Variants in ADGRL3 observed in about 807,000 individuals in gnomAD.
ADGRL3 encodes adhesion G protein-coupled receptor L3, also known as calcium-independent alpha-latrotoxin receptor 3.
ADGRL3 carries 62 observed loss-of-function variants against 153.5 expected under a neutral mutation model. The ratio of observed to expected loss-of-function variants is 0.40; its 90% CI spans 0.33 to 0.50. ADGRL3 has a LOEUF of 0.50. Among genes scored for constraint, ADGRL3 ranks in the 20% least tolerant of loss-of-function variants. The probability of loss-of-function intolerance (pLI) is 0.47; values close to 1 mark genes in which losing one functional copy is unlikely to be tolerated. For synonymous variants in ADGRL3, 710 were observed against 672.5 expected, an observed-to-expected ratio of 1.06 and a Z score of -0.86; for missense variants, 1,641 against 1,859.4, an observed-to-expected ratio of 0.88 and a Z score of 2.16.
At chr4:62,046,574 T>C (rs1731237720) in intron 25 of ADGRL3, among the ~76,000 whole-genome samples, 1 of 151,976 alleles carries the variant, frequency 6.6e-6, no homozygotes. Context: ...TTAAAAGATA[T>C]TTCATACAGC....
chr4:61,892,757 T>C lies in ADGRL3; in HGVS notation c.1582T>C (p.Ser528Pro). Residue 528 changes from serine (S) to proline (P), a missense_variant, in exon 10 of 27, where the codon TCA becomes CCA. Transcript: ENST00000683033. Reference protein sequence around the residue: ...SPGRSTTPSVSGRRNRSTSTP... With the variant: ...SPGRSTTPSVPGRRNRSTSTP... ...AGGAAGGAGTACCACCCCGTCAGTG[T>C]CAGGAAGAAGAAACCGGAGTACTAG... The C allele has an allele frequency of 2.5e-6, 4 of 1,613,866 alleles. No homozygotes were observed. The highest frequency in any genetic ancestry group is 3.4e-6 in the Non-Finnish European group (4 of 1,179,834).
chr4:61,403,056 T>G (rs62305276), intron 2 of ADGRL3, among the ~76,000 whole-genome samples: 93,419 of 151,522 alleles, frequency 0.62, 29,636 homozygotes, highest in Admixed American at 0.75. Context: ...CCTTTCCTCT[T>G]TGTGTGCACA....
intron 3 of ADGRL3, among the ~76,000 whole-genome samples, chr4:61,504,570 A>G (rs917434363): frequency 6.6e-6 from 1 of 152,156 alleles, no homozygotes; most frequent in African/African-American, 2.4e-5. Flanking sequence ...TATAGTCACC[A>G]TATCTTGCTA....
chr4:61,279,128 G>T (rs2093613667), intron 1 of ADGRL3, among the ~76,000 whole-genome samples: 1 of 152,148 alleles, frequency 6.6e-6, no homozygotes, highest in East Asian at 1.9e-4. Context: ...ATTGCATTAT[G>T]TGATAATGGA....
intron 6 of ADGRL3, among the ~76,000 whole-genome samples, chr4:61,688,957 A>T (rs1440103003): frequency 6.6e-6 from 1 of 151,954 alleles, no homozygotes; most frequent in Non-Finnish European, 1.5e-5. Context: ...TTGTTTAGTT[A>T]TTTATTTACT....
At chr4:61,752,315 G>T (rs1249042519) in intron 8 of ADGRL3, among the ~76,000 whole-genome samples, 1 of 152,146 alleles carries the variant, frequency 6.6e-6, no homozygotes, top group East Asian at 1.9e-4. Context: ...CAATAGGCTT[G>T]GAAAGCCTAT....
At chr4:61,532,531 TGC>T (rs35405501) in intron 4 of ADGRL3, among the ~76,000 whole-genome samples, 3,402 of 141,236 alleles carry the variant, frequency 0.024, 114 homozygotes, top group African/African-American at 0.075. Flanking sequence ...GGATGCTGCA[TGC>T]GCGCGCGCGC....
At chr4:62,055,408 A>T (rs1736461998) in intron 25 of ADGRL3, among the ~76,000 whole-genome samples, 1 of 151,844 alleles carries the variant, frequency 6.6e-6, no homozygotes, top group Non-Finnish European at 1.5e-5. Flanking sequence ...CATTTGAATG[A>T]AATTTAATAG....
Position 62,072,414 on chromosome 4 carries a change from C to A in ADGRL3, c.*1506C>A, listed in dbSNP as rs2151941673. The A allele has an allele frequency of 6.6e-6, 1 of 152,568 alleles. No individual in the cohort carries two copies. Among genetic ancestry groups the A allele is most frequent in the African/African-American group, 2.4e-5 (1 of 41,526 alleles). 9.5% of individuals were successfully genotyped at this position (152,568 alleles called of 1,614,324 possible). ...TGTAAAAGTGAAACTTGTTTGCCAA[C>A]CAATAAACAACTGATTGAGATTTAG... On this transcript the variant is annotated 3_prime_UTR_variant, in exon 27 of 27. Transcript: ENST00000683033.
At chr4:62,028,148 A>C (rs1719889985) in intron 21 of ADGRL3, among the ~76,000 whole-genome samples, 1 of 151,828 alleles carries the variant, frequency 6.6e-6, no homozygotes, top group Non-Finnish European at 1.5e-5. Flanking sequence ...CATTTATAAA[A>C]ATTGATCCAA....
intron 1 of ADGRL3, among the ~76,000 whole-genome samples, chr4:61,207,537 G>T (rs1737880199): frequency 6.6e-6 from 1 of 152,140 alleles, no homozygotes; most frequent in Admixed American, 6.5e-5. Context: ...ATAGTAGAAT[G>T]ATTTATAATC....
intron 4 of ADGRL3, among the ~76,000 whole-genome samples, chr4:61,581,399 A>T (rs1010194612): frequency 6.6e-6 from 1 of 151,982 alleles, no homozygotes; most frequent in African/African-American, 2.4e-5. Flanking sequence ...TCACTATTAT[A>T]ATCAGCAAAG....
chr4:61,237,938 A>C (rs11131313), intron 1 of ADGRL3, among the ~76,000 whole-genome samples: 3,976 of 152,210 alleles, frequency 0.026, 135 homozygotes, highest in African/African-American at 0.077. Context: ...TGTTGCTGAG[A>C]TGCATAAATT....
chr4:61,492,838 G>A (rs1263143794), intron 2 of ADGRL3, among the ~76,000 whole-genome samples: 1 of 152,004 alleles, frequency 6.6e-6, no homozygotes, highest in Non-Finnish European at 1.5e-5. Context: ...GTATTCTTTT[G>A]TAACTTTTAG....
At chr4:61,998,932 C>G (rs1380693131) in intron 21 of ADGRL3, among the ~76,000 whole-genome samples, 1 of 152,046 alleles carries the variant, frequency 6.6e-6, no homozygotes, top group African/African-American at 2.4e-5. Context: ...CCATCTCCCC[C>G]TCCAGAGCAA....
At chr4:61,669,658 T>A (rs578237050) in intron 5 of ADGRL3, among the ~76,000 whole-genome samples, 1 of 152,214 alleles carries the variant, frequency 6.6e-6, no homozygotes, top group Non-Finnish European at 1.5e-5. Flanking sequence ...GCTATGAACT[T>A]CTTGGGTATA....
At chr4:61,749,132 C>G (rs1219268046) in intron 8 of ADGRL3, among the ~76,000 whole-genome samples, 43 of 152,146 alleles carry the variant, frequency 2.8e-4, no homozygotes, top group Middle Eastern at 3.4e-3. Context: ...CTGGCCCTCA[C>G]AGAAATGCAA....
At chr4:61,370,441 G>C (rs569314095) in intron 1 of ADGRL3, among the ~76,000 whole-genome samples, 7 of 151,396 alleles carry the variant, frequency 4.6e-5, no homozygotes, top group Admixed American at 2.6e-4. Context: ...CTTTGTTCTC[G>C]TTGGTTTGAA....
At chr4:61,274,251 T>G (rs2149841694) in intron 1 of ADGRL3, among the ~76,000 whole-genome samples, 2 of 152,276 alleles carry the variant, frequency 1.3e-5, no homozygotes, top group African/African-American at 4.8e-5. Context: ...CTCTAACAGT[T>G]TAATGAGCAA....
Sources: allele counts gnomAD v4.1 joint callset (sites outside exome capture counted in the v4.1 genomes callset), GRCh38; gene constraint gnomAD v4.1.1; transcripts MANE v1.5; gene names NCBI Gene and HGNC (gene_info 2026-07-23, HGNC 2026-07-21).